MTMR14: variants seen among roughly 807,000 people sequenced by gnomAD.
MTMR14 encodes the protein myotubularin related protein 14, also known as phosphatidylinositol-3,5-bisphosphate 3-phosphatase MTMR14.
In MTMR14, 48 loss-of-function variants were observed where a neutral mutation model predicts 86.3. That is an observed-to-expected ratio of 0.56 (90% CI 0.44 to 0.71). The LOEUF is 0.71. Ranked by LOEUF, MTMR14 falls within the 30% of genes least tolerant of loss-of-function variation. The probability of loss-of-function intolerance (pLI) is 0.00; values close to 1 mark genes in which losing one functional copy is unlikely to be tolerated. For synonymous variants in MTMR14, 366 were observed against 326.1 expected (o/e 1.12, Z -1.32); for missense variants, 780 against 834.6 (o/e 0.93, Z 0.81).
chr3:9,674,940 T>C (rs1300564833), intron 7 of MTMR14, among the ~76,000 whole-genome samples: 2 of 152,188 alleles, frequency 1.3e-5, no homozygotes, highest in East Asian at 3.9e-4. Context: ...GGAGAAACCC[T>C]ATCTCTACTA....
chr3:9,652,400 CT>C (rs1173853483), intron 1 of MTMR14, among the ~76,000 whole-genome samples: 3 of 152,162 alleles, frequency 2.0e-5, no homozygotes, highest in Non-Finnish European at 4.4e-5. Context: ...TATAAAGAGA[CT>C]TTGCAGCTTT....
At position 9,678,034 on chromosome 3, in the gene MTMR14, G is replaced by A; in HGVS notation, c.873G>A (p.Leu291=). Residue 291 remains leucine, a synonymous_variant, in exon 9 of 19, where the codon CTG becomes CTA. Transcript: ENST00000296003. ...TCCCCGACTTCCTGACTCACTCTCT[G>A]AACATTGACTGGAGCCAGTATCAGG... ...LSIPDFLTHS[L]NIDWSQYQCW... The A allele has an allele frequency of 1.2e-6, 2 of 1,614,064 alleles. No homozygotes were observed. The highest frequency in any genetic ancestry group is 1.7e-6 in the Non-Finnish European group (2 of 1,180,012).
intron 1 of MTMR14, among the ~76,000 whole-genome samples, 157 bp from the exon 2 acceptor site, chr3:9,653,464 C>T (rs1336416483): frequency 1.4e-5 from 2 of 147,900 alleles, no homozygotes; most frequent in Admixed American, 6.6e-5. Context: ...ATGGACTACA[C>T]GTAGGACCTG....
chr3:9,660,275 C>T (rs59771507), intron 2 of MTMR14, among the ~76,000 whole-genome samples: 4,835 of 150,630 alleles, frequency 0.032, 257 homozygotes, highest in African/African-American at 0.11. Context: ...TTTTTTTTTC[C>T]CCCAGACGGA....
chr3:9,652,029 A>C (rs1243412222), intron 1 of MTMR14, among the ~76,000 whole-genome samples: 1 of 151,854 alleles, frequency 6.6e-6, no homozygotes, highest in Non-Finnish European at 1.5e-5. Flanking sequence ...ATGGGGTTTC[A>C]CCATGTTGGC....
chr3:9,663,438 T>C (rs1021836397), intron 3 of MTMR14, among the ~76,000 whole-genome samples: 2 of 151,330 alleles, frequency 1.3e-5, no homozygotes. Context: ...GTTGCCACTT[T>C]GGAAAGTTTT....
chr3:9,680,980 TCC>T (rs1477984692), intron 9 of MTMR14, among the ~76,000 whole-genome samples: 1 of 152,242 alleles, frequency 6.6e-6, no homozygotes, highest in Non-Finnish European at 1.5e-5. Flanking sequence ...TTCTCTGATG[TCC>T]CTACAGATCA....
intron 3 of MTMR14, among the ~76,000 whole-genome samples, chr3:9,664,086 G>A (rs2048111100): frequency 7.9e-5 from 12 of 151,942 alleles, no homozygotes; most frequent in Admixed American, 7.9e-4. Flanking sequence ...ACCACGCCTG[G>A]CCTGCAACTT....
intron 18 of MTMR14, chr3:9,699,676 A>G (rs2076392948): frequency 6.6e-6 from 1 of 152,302 alleles, no homozygotes; most frequent in African/African-American, 2.4e-5. Context: ...AATGGGTCAC[A>G]TAACCTCTCC....
At chr3:9,681,565 C>T (rs1173995732) in intron 9 of MTMR14, among the ~76,000 whole-genome samples, 1 of 152,172 alleles carries the variant, frequency 6.6e-6, no homozygotes, top group Non-Finnish European at 1.5e-5. Context: ...TACCAACCAG[C>T]AGAAAGAGTA....
chr3:9,688,637 G>C, intron 14 of MTMR14, 59 bp from the exon 15 acceptor site: 1 of 1,598,162 alleles, frequency 6.3e-7, no homozygotes, highest in Non-Finnish European at 8.6e-7. Context: ...ATTGGGAACG[G>C]GGGACACAAT....
At chr3:9,656,433 T>C (rs1254644540) in intron 2 of MTMR14, among the ~76,000 whole-genome samples, 3 of 152,072 alleles carry the variant, frequency 2.0e-5, no homozygotes, top group Non-Finnish European at 4.4e-5. Flanking sequence ...AGTTTCTTTT[T>C]TTTTTTAAGA....
At position 9,701,634 on chromosome 3, in the gene MTMR14, G is replaced by A; in HGVS notation, c.1770-156G>A. The A allele has an allele frequency of 1.2e-6, 1 of 860,424 alleles. No homozygotes were observed. The highest frequency in any genetic ancestry group is 1.9e-6 in the Non-Finnish European group (1 of 532,182). The allele number at this position is 860,424 out of a possible 1,614,324, so 53.3% of individuals were successfully genotyped here. ...AGGGAAAACAGGGCCAGATATTTGG[G>A]GCCTGAACCACAAGGATAGCATGGC... On this transcript the variant is annotated intron_variant, in intron 18 of 18. Coordinates refer to ENST00000296003, the MANE Select transcript of MTMR14 (RefSeq NM_001077525.3). This position sits in a 1 kb window ranked among gnomAD's most constrained non-coding sequence, Gnocchi z 4.2.
chr3:9,701,656 T>C lies in MTMR14; in HGVS notation c.1770-134T>C. ...TGGGGCCTGAACCACAAGGATAGCA[T>C]GGCCGTAGGACAGACACTGGCCTTG... On this transcript the variant is annotated intron_variant, in intron 18 of 18. Coordinates refer to ENST00000296003, the MANE Select transcript of MTMR14 (RefSeq NM_001077525.3). This position sits in a 1 kb window ranked among gnomAD's most constrained non-coding sequence, Gnocchi z 4.2. 9.5e-7 allele frequency: 1 copy of C among 1,053,878 alleles called. No individual in the cohort carries two copies. The highest frequency in any genetic ancestry group is 1.4e-6 in the Non-Finnish European group (1 of 699,158). The allele number at this position is 1,053,878 out of a possible 1,614,324, so 65.3% of individuals were successfully genotyped here.
At chr3:9,695,713 A>G (rs2125382563) in intron 17 of MTMR14, among the ~76,000 whole-genome samples, 1 of 152,302 alleles carries the variant, frequency 6.6e-6, no homozygotes, top group Admixed American at 6.5e-5. Flanking sequence ...GCCTCAACCT[A>G]GTCAGCATCC....
intron 10 of MTMR14, 148 bp downstream of exon 10, chr3:9,683,392 G>T (rs913256093): frequency 4.0e-6 from 3 of 747,056 alleles, no homozygotes; most frequent in Non-Finnish European, 7.0e-6. Flanking sequence ...AATCCCAGAG[G>T]CTGGGTGGGA....
intron 9 of MTMR14, among the ~76,000 whole-genome samples, chr3:9,682,943 C>G (rs970200384): frequency 5.3e-5 from 8 of 151,486 alleles, no homozygotes; most frequent in East Asian, 3.9e-4. Context: ...GCCCCCCCCC[C>G]GCCCCCGCCC....
chr3:9,651,378 C>G (rs1220661433), intron 1 of MTMR14, among the ~76,000 whole-genome samples: 13 of 152,162 alleles, frequency 8.5e-5, no homozygotes, highest in Non-Finnish European at 1.8e-4. Context: ...GCTGGGATTA[C>G]AGGCGTGAGC....
At chr3:9,674,566 T>C (rs2048750422) in intron 7 of MTMR14, among the ~76,000 whole-genome samples, 2 of 152,252 alleles carry the variant, frequency 1.3e-5, no homozygotes, top group South Asian at 4.2e-4. Context: ...GGCAGTAAGA[T>C]TGCTTGAGCC....
Sources: allele counts gnomAD v4.1 joint callset (sites outside exome capture counted in the v4.1 genomes callset), GRCh38; gene constraint gnomAD v4.1.1; non-coding constraint Gnocchi (gnomAD v3.1); transcripts MANE v1.5; gene names NCBI Gene and HGNC (gene_info 2026-07-23, HGNC 2026-07-21).